BCL2L13: variants seen among roughly 807,000 people sequenced by gnomAD.
BCL2L13 encodes the protein bcl-2-like protein 13.
Under a neutral mutation model 25.8 loss-of-function variants are expected in BCL2L13, and 13 were observed. The observed-to-expected ratio is 0.50, with a 90% CI of 0.33 to 0.80. BCL2L13 has a LOEUF of 0.80. BCL2L13 is among the 30% of genes least tolerant of loss of function. BCL2L13 has a pLI of 0.02. For missense variants in BCL2L13, 504 were observed against 574.9 expected, an observed-to-expected ratio of 0.88 and a Z score of 1.26; for synonymous variants, 244 against 230.3, an observed-to-expected ratio of 1.06 and a Z score of -0.54.
At chr22:17,721,025 G>A (rs1477118198) in intron 6 of BCL2L13, among the ~76,000 whole-genome samples, 2 of 151,910 alleles carry the variant, frequency 1.3e-5, no homozygotes, top group Admixed American at 1.3e-4. Context: ...AAATTAGCCA[G>A]GCATGGTGGC....
chr22:17,722,425 A>G (rs1163570278), intron 6 of BCL2L13, among the ~76,000 whole-genome samples: 1 of 131,972 alleles, frequency 7.6e-6, no homozygotes, highest in African/African-American at 2.9e-5. Context: ...GTGTGTATGT[A>G]GAGATGATGT....
chr22:17,723,286 G>C (rs2061200303), intron 6 of BCL2L13, among the ~76,000 whole-genome samples: 1 of 152,088 alleles, frequency 6.6e-6, no homozygotes, highest in Admixed American at 6.6e-5. Context: ...GGGAGGCCTA[G>C]AAGCCCTCTC....
chr22:17,687,814 G>GA (rs2059988900), intron 3 of BCL2L13, among the ~76,000 whole-genome samples: 1 of 114,250 alleles, frequency 8.8e-6, no homozygotes, highest in African/African-American at 3.0e-5. Context: ...ACCGCACCCG[G>GA]CCCCTTTTTT....
At chr22:17,690,014 G>A (rs1390218084) in intron 4 of BCL2L13, among the ~76,000 whole-genome samples, 1 of 151,854 alleles carries the variant, frequency 6.6e-6, no homozygotes, top group Admixed American at 6.6e-5. Flanking sequence ...CTAGTAATAA[G>A]GAAAGTATTA....
chr22:17,721,908 G>C (rs1807468), intron 6 of BCL2L13, among the ~76,000 whole-genome samples: 51,938 of 150,786 alleles, frequency 0.34, 9,731 homozygotes, highest in African/African-American at 0.46. Context: ...GATCTGCCCT[G>C]CTCGGCCTCC....
intron 2 of BCL2L13, among the ~76,000 whole-genome samples, chr22:17,663,020 A>G (rs973862112): frequency 6.6e-6 from 1 of 151,954 alleles, no homozygotes; most frequent in African/African-American, 2.4e-5. Flanking sequence ...ACAGGTGCGC[A>G]CCACCATGCC....
intron 3 of BCL2L13, among the ~76,000 whole-genome samples, chr22:17,688,186 G>A (rs1568975731): frequency 1.3e-5 from 2 of 152,008 alleles, no homozygotes; most frequent in Non-Finnish European, 2.9e-5. Flanking sequence ...CGAACTCCTG[G>A]ACTCAAACCA....
chr22:17,659,056 TAAAAAAAAAAAAAA>T (rs752881083), intron 2 of BCL2L13, among the ~76,000 whole-genome samples: 1 of 28,094 alleles, frequency 3.6e-5, no homozygotes, highest in Non-Finnish European at 7.4e-5. Flanking sequence ...AGACTCCATC[TAAAAAAAAAAAAAA>T]AAAAAAAAAA....
intron 2 of BCL2L13, among the ~76,000 whole-genome samples, chr22:17,682,966 A>G (rs1220984933): frequency 6.6e-6 from 1 of 152,102 alleles, no homozygotes; most frequent in African/African-American, 2.4e-5. Flanking sequence ...ACCTGTCTCT[A>G]CTAAAAATAC....
intron 6 of BCL2L13, among the ~76,000 whole-genome samples, chr22:17,721,179 AAAT>A (rs1305065272): frequency 6.7e-6 from 1 of 150,118 alleles, no homozygotes; most frequent in Non-Finnish European, 1.5e-5. Flanking sequence ...CAAAAAAAAA[AAAT>A]ATATATATAT....
intron 6 of BCL2L13, among the ~76,000 whole-genome samples, chr22:17,712,542 T>G (rs1326871548): frequency 6.6e-6 from 1 of 152,220 alleles, no homozygotes; most frequent in African/African-American, 2.4e-5. Context: ...CTTTCTGATC[T>G]TCACAAAATG....
At position 17,664,575 on chromosome 22, in the gene BCL2L13, G is replaced by A. The variant is rs184821320; in HGVS notation, c.121+8743G>A. 1.1e-4 allele frequency among the ~76,000 whole-genome samples: 16 copies of A among 152,302 alleles called. No individual in the cohort carries two copies. The East Asian group carries it at 2.7e-3, about 26-fold the overall frequency. ...GTGCCTCAGTGGGGACTCTGTGTGT[G>A]GGTTCCCACCCCACATTTCCCTTCT... On this transcript the variant is annotated intron_variant, in intron 2 of 6. Transcript: ENST00000317582.
At chr22:17,645,468 C>T (rs1286610487) in intron 1 of BCL2L13, among the ~76,000 whole-genome samples, 1 of 151,260 alleles carries the variant, frequency 6.6e-6, no homozygotes, top group Non-Finnish European at 1.5e-5. Context: ...GTAATCCACC[C>T]ACCTTGGCTT....
At chr22:17,682,994 G>A (rs535729605) in intron 2 of BCL2L13, among the ~76,000 whole-genome samples, 13 of 152,220 alleles carry the variant, frequency 8.5e-5, no homozygotes, top group South Asian at 2.1e-4. Flanking sequence ...TTAGCCAGGC[G>A]TGGTGGCAGG....
At chr22:17,675,444 T>C (rs2059550749) in intron 2 of BCL2L13, among the ~76,000 whole-genome samples, 1 of 152,062 alleles carries the variant, frequency 6.6e-6, no homozygotes, top group African/African-American at 2.4e-5. Context: ...AGGTCAAGAG[T>C]AGAATGATAG....
chr22:17,683,354 C>A, intron 3 of BCL2L13, 33 bp downstream of exon 3: 1 of 1,267,012 alleles, frequency 7.9e-7, no homozygotes, highest in Non-Finnish European at 1.1e-6. Flanking sequence ...AGTTAATAAG[C>A]AGATTGTGTT....
At chr22:17,694,493 A>C (rs2060205209) in intron 4 of BCL2L13, among the ~76,000 whole-genome samples, 1 of 151,788 alleles carries the variant, frequency 6.6e-6, no homozygotes. Flanking sequence ...TGGGCAACAT[A>C]GGTGACTCCA....
At chr22:17,662,471 C>T (rs915811246) in intron 2 of BCL2L13, among the ~76,000 whole-genome samples, 1 of 151,482 alleles carries the variant, frequency 6.6e-6, no homozygotes, top group Non-Finnish European at 1.5e-5. Context: ...GAGTGAGACT[C>T]CATCTCAAAA....
chr22:17,715,159 TATATATATA>T (rs2060902421), intron 6 of BCL2L13, among the ~76,000 whole-genome samples: 5 of 5,464 alleles, frequency 9.2e-4, no homozygotes, highest in Non-Finnish European at 1.2e-3. Context: ...TATATATATA[TATATATATA>T]TATTTTTTTT....
Sources: gnomAD v4.1 joint callset for allele counts (sites outside exome capture counted in the v4.1 genomes callset) on GRCh38, gnomAD v4.1.1 for gene constraint, MANE v1.5 for transcripts, NCBI Gene and HGNC (gene_info 2026-07-23, HGNC 2026-07-21) for gene names.